Variants in RPS6KA5 observed in about 807,000 individuals in gnomAD.
The protein encoded by RPS6KA5 is ribosomal protein S6 kinase A5, also known as ribosomal protein S6 kinase alpha-5.
In RPS6KA5, 27 loss-of-function variants were observed where a neutral mutation model predicts 85.5. The observed-to-expected ratio is 0.32, with a 90% CI of 0.23 to 0.44. The LOEUF (loss-of-function observed/expected upper bound fraction) is 0.44. Ranked by LOEUF, RPS6KA5 falls within the 20% of genes least tolerant of loss-of-function variation. The pLI is 1.00. For missense variants in RPS6KA5, 811 were observed against 980.9 expected, an observed-to-expected ratio of 0.83 and a Z score of 2.31; for synonymous variants, 334 against 348.2, an observed-to-expected ratio of 0.96 and a Z score of 0.46.
intron 1 of RPS6KA5, among the ~76,000 whole-genome samples, chr14:91,004,308 T>A (rs1372520219): frequency 6.6e-6 from 1 of 152,070 alleles, no homozygotes; most frequent in Admixed American, 6.5e-5. Flanking sequence ...CCTGACCTCG[T>A]GATCCACCCG....
chr14:91,000,975 T>C (rs552953117), intron 2 of RPS6KA5, 113 bp downstream of exon 2: 1 of 603,912 alleles, frequency 1.7e-6, no homozygotes, highest in South Asian at 2.5e-5. Flanking sequence ...GTTCTCCTAA[T>C]GGATTCCTCA....
At position 90,853,740 on chromosome 14, in the gene RPS6KA5, T is replaced by C. The variant is rs1005515426; in HGVS notation, c.*18334A>G. ...ATATTAAATCAAAATCGTAACCATC[T>C]TGAAAGCTAAATTAAAATAATCCTG... On this transcript the variant is annotated 3_prime_UTR_variant, in exon 17 of 17. Coordinates refer to ENST00000614987, the MANE Select transcript of RPS6KA5 (RefSeq NM_004755.4). The C allele has an allele frequency of 2.0e-5, 3 of 151,910 alleles. No homozygotes were observed. The highest frequency in any genetic ancestry group is 2.9e-5 in the Non-Finnish European group (2 of 67,950). 9.4% of individuals were successfully genotyped at this position (151,910 alleles called of 1,614,324 possible). A position where few individuals can be genotyped will look rare whatever the true frequency, so the allele number is the denominator to read the frequency against.
At chr14:90,937,020 A>G (rs1293956574) in intron 5 of RPS6KA5, among the ~76,000 whole-genome samples, 1 of 152,072 alleles carries the variant, frequency 6.6e-6, no homozygotes, top group African/African-American at 2.4e-5. Flanking sequence ...AATGAGCAGC[A>G]TGTAAGAAGA....
chr14:90,887,733 G>A (rs1371063291), intron 14 of RPS6KA5, among the ~76,000 whole-genome samples: 5 of 151,222 alleles, frequency 3.3e-5, no homozygotes, highest in African/African-American at 7.3e-5. Context: ...GAGGCGGGAG[G>A]ATCACTTGAA....
At chr14:91,044,142 G>A (rs545656148) in intron 1 of RPS6KA5, among the ~76,000 whole-genome samples, 3 of 151,850 alleles carry the variant, frequency 2.0e-5, no homozygotes, top group South Asian at 2.1e-4. Flanking sequence ...CAGGAGAATC[G>A]CTTGAACCCA....
At chr14:90,996,936 T>C (rs2040550545) in intron 2 of RPS6KA5, among the ~76,000 whole-genome samples, 1 of 152,210 alleles carries the variant, frequency 6.6e-6, no homozygotes, top group Non-Finnish European at 1.5e-5. Flanking sequence ...ACCCTATTTT[T>C]CTGGCAATTT....
intron 1 of RPS6KA5, among the ~76,000 whole-genome samples, chr14:91,033,140 T>C (rs1331716676): frequency 4.0e-5 from 6 of 150,844 alleles, no homozygotes; most frequent in South Asian, 2.1e-4. Flanking sequence ...TGAGCCGACA[T>C]TGGGGCGCCA....
chr14:90,996,891 A>G (rs919683904), intron 2 of RPS6KA5, among the ~76,000 whole-genome samples: 1 of 152,230 alleles, frequency 6.6e-6, no homozygotes, highest in Non-Finnish European at 1.5e-5. Flanking sequence ...ACTGCTATGC[A>G]TAAGTTAACC....
rs1012063895 is a variant in RPS6KA5, at chr14:90,861,179, C to G, written c.*10895G>C. On this transcript the variant is annotated 3_prime_UTR_variant, in exon 17 of 17. Coordinates refer to ENST00000614987, the MANE Select transcript of RPS6KA5 (RefSeq NM_004755.4). ...AAGTGCTGGGATTACAGGCGTGAGC[C>G]ACAGTGCCCAGCCAGAGTCTTTAAA... The G allele has an allele frequency of 2.0e-5, 3 of 150,824 alleles. No individual in the cohort carries two copies. The highest frequency in any genetic ancestry group is 7.3e-5 in the African/African-American group (3 of 41,126). The allele number at this position is 150,824 out of a possible 1,614,324, so 9.3% of individuals were successfully genotyped here. A position where few individuals can be genotyped will look rare whatever the true frequency, so the allele number is the denominator to read the frequency against.
At chr14:90,896,948 C>T (rs1048586078) in intron 12 of RPS6KA5, among the ~76,000 whole-genome samples, 1 of 152,092 alleles carries the variant, frequency 6.6e-6, no homozygotes, top group African/African-American at 2.4e-5. Flanking sequence ...GTCTCAAACT[C>T]CTGACCTCAA....
chr14:90,905,485 C>A (rs939017101), intron 8 of RPS6KA5, among the ~76,000 whole-genome samples: 3 of 152,114 alleles, frequency 2.0e-5, no homozygotes, highest in Non-Finnish European at 2.9e-5. Flanking sequence ...AAATAACTAG[C>A]CAACTCAGTT....
chr14:90,876,040 C>G, intron 14 of RPS6KA5, among the ~76,000 whole-genome samples: 1 of 149,766 alleles, frequency 6.7e-6, no homozygotes, highest in East Asian at 2.0e-4. Flanking sequence ...TACCCTAAAA[C>G]TTAAAGTATT....
At chr14:90,928,006 G>A (rs2036773096) in intron 5 of RPS6KA5, among the ~76,000 whole-genome samples, 2 of 143,448 alleles carry the variant, frequency 1.4e-5, no homozygotes, top group Non-Finnish European at 3.0e-5. Flanking sequence ...TGTGATCACA[G>A]CTCACTGCAG....
chr14:90,983,119 A>G (rs1215881574), intron 2 of RPS6KA5, among the ~76,000 whole-genome samples: 1 of 151,714 alleles, frequency 6.6e-6, no homozygotes, highest in Non-Finnish European at 1.5e-5. Flanking sequence ...TCTCAAAAAA[A>G]AAAAAAAATT....
rs1287891261 is a variant in RPS6KA5 at position 91,060,543 on chromosome 14, G to A, written c.-109C>T. The A allele has an allele frequency of 2.5e-6, 3 of 1,212,110 alleles. No homozygotes were observed. The African/African-American group carries it at 4.7e-5, about 19-fold the overall frequency. The allele number at this position is 1,212,110 out of a possible 1,614,324, so 75.1% of individuals were successfully genotyped here. A position where few individuals can be genotyped will look rare whatever the true frequency, so the allele number is the denominator to read the frequency against. On this transcript the variant is annotated 5_prime_UTR_variant, in exon 1 of 17. Coordinates refer to ENST00000614987, the MANE Select transcript of RPS6KA5 (RefSeq NM_004755.4). Reference sequence around the variant, plus strand: ...GCGGCCCCAGGAGTCGGGGTGCGGCGGCTCCAGAACTCGGACGCAAAGACG... The same window carrying A: ...GCGGCCCCAGGAGTCGGGGTGCGGCAGCTCCAGAACTCGGACGCAAAGACG...
intron 2 of RPS6KA5, among the ~76,000 whole-genome samples, chr14:90,986,217 AATG>A (rs1310144276): frequency 1.3e-5 from 2 of 152,324 alleles, no homozygotes; most frequent in East Asian, 1.9e-4. Context: ...AAAAATATAT[AATG>A]ATTTTTAAAT....
intron 3 of RPS6KA5, among the ~76,000 whole-genome samples, chr14:90,952,606 A>G (rs982117995): frequency 2.6e-5 from 4 of 152,250 alleles, no homozygotes; most frequent in African/African-American, 9.6e-5. Context: ...GCATTGATCA[A>G]AAATTGGCTA....
intron 1 of RPS6KA5, among the ~76,000 whole-genome samples, chr14:91,049,984 A>G (rs1365042206): frequency 6.6e-6 from 1 of 152,260 alleles, no homozygotes; most frequent in Non-Finnish European, 1.5e-5. Flanking sequence ...GCAGTCTGCC[A>G]TTGACCAAAA....
At chr14:91,016,066 G>A (rs887372201) in intron 1 of RPS6KA5, among the ~76,000 whole-genome samples, 1 of 152,204 alleles carries the variant, frequency 6.6e-6, no homozygotes, top group Non-Finnish European at 1.5e-5. Flanking sequence ...CAGCCCTGGT[G>A]TCCCCTCCTG....
Sources: allele counts gnomAD v4.1 joint callset (sites outside exome capture counted in the v4.1 genomes callset), GRCh38; gene constraint gnomAD v4.1.1; transcripts MANE v1.5; gene names NCBI Gene and HGNC (gene_info 2026-07-23, HGNC 2026-07-21).